The following SLC16A2 variants were observed in gnomAD, a reference collection of about 807,000 sequenced individuals.
SLC16A2 encodes the protein monocarboxylate transporter 8.
In SLC16A2, 3 loss-of-function variants were observed where a neutral mutation model predicts 27.2. The observed-to-expected ratio is 0.11, with a 90% CI of 0.05 to 0.28. SLC16A2 has a LOEUF of 0.28. Ranked by LOEUF, SLC16A2 falls within the 10% of genes least tolerant of loss-of-function variation. SLC16A2 has a pLI of 1.00. For synonymous variants in SLC16A2, 202 were observed against 187.8 expected, an observed-to-expected ratio of 1.08 and a Z score of -0.62; for missense variants, 295 against 458.5, an observed-to-expected ratio of 0.64 and a Z score of 3.26.
At chrX:74,502,550 C>T (rs1221020398) in intron 1 of SLC16A2, among the ~76,000 whole-genome samples, 1 of 112,126 alleles carries the variant, frequency 8.9e-6, no homozygotes. Flanking sequence ...TGAAGAAATG[C>T]CAAAATACAG....
intron 1 of SLC16A2, among the ~76,000 whole-genome samples, chrX:74,488,128 C>T (rs1411817916): frequency 1.8e-5 from 2 of 111,410 alleles, no homozygotes; most frequent in Non-Finnish European, 3.8e-5. Flanking sequence ...CTAGCCTCTA[C>T]CAGTCTAATA....
chrX:74,486,974 C>T (rs960535405), intron 1 of SLC16A2, among the ~76,000 whole-genome samples: 8 of 111,862 alleles, frequency 7.2e-5, no homozygotes, highest in African/African-American at 2.3e-4. Flanking sequence ...TCTGAGCAAA[C>T]TATCGAAAGG....
In SLC16A2 at chrX:74,502,546, A is replaced by G. The variant is rs955009653; in HGVS notation, c.431-18444A>G. On this transcript the variant is annotated intron_variant, in intron 1 of 5. Transcript: ENST00000587091. ...CTCTCTGGATATTTGTAAATGAAGA[A>G]ATGCCAAAATACAGTCTCAAAAATT... Among the ~76,000 whole-genome samples the G allele has an allele frequency of 3.6e-5, 4 of 112,461 alleles. No individual in the cohort carries two copies. In the Admixed American group the frequency reaches 3.8e-4, roughly 11 times the overall value.
chrX:74,487,589 A>C, intron 1 of SLC16A2, among the ~76,000 whole-genome samples: 1 of 112,391 alleles, frequency 8.9e-6, no homozygotes, highest in Non-Finnish European at 1.9e-5. Flanking sequence ...TTTCTGCAGC[A>C]TTTAAAATTA....
At chrX:74,518,391 T>G (rs1365428481) in intron 1 of SLC16A2, among the ~76,000 whole-genome samples, 1 of 111,323 alleles carries the variant, frequency 9.0e-6, no homozygotes, top group Non-Finnish European at 1.9e-5. Context: ...GCCGGGAGTT[T>G]GAGACCAGCC....
At chrX:74,425,027 TTTTA>T (rs748909387) in intron 1 of SLC16A2, among the ~76,000 whole-genome samples, 56 of 111,338 alleles carry the variant, frequency 5.0e-4, no homozygotes, top group Non-Finnish European at 8.3e-4. Flanking sequence ...CCTGGCTAAT[TTTTA>T]TTTATTTATT....
chrX:74,514,581 T>C (rs1312270908), intron 1 of SLC16A2, among the ~76,000 whole-genome samples: 1 of 111,291 alleles, frequency 9.0e-6, no homozygotes, highest in African/African-American at 3.3e-5. Flanking sequence ...AGAGACCACA[T>C]AGGGAGCCTG....
In SLC16A2 at chrX:74,444,000, T is replaced by C. The variant is rs766544787; in HGVS notation, c.430+21933T>C. ...GGTACCAGGTGTGTATGTGTGTGCA[T>C]GTGTGTCTGGGGGCAGGGGCAGGAG... On this transcript the variant is annotated intron_variant, in intron 1 of 5. Coordinates refer to ENST00000587091, the MANE Select transcript of SLC16A2 (RefSeq NM_006517.5). 1.1e-3 allele frequency among the ~76,000 whole-genome samples: 122 copies of C among 111,324 alleles called. 1 individual carries two copies. The highest frequency in any genetic ancestry group is 2.0e-3 in the Non-Finnish European group (108 of 53,034).
At chrX:74,496,059 GC>G (rs907877894) in intron 1 of SLC16A2, among the ~76,000 whole-genome samples, 1 of 111,581 alleles carries the variant, frequency 9.0e-6, no homozygotes, top group African/African-American at 3.3e-5. Flanking sequence ...AGATAAGGAA[GC>G]AGGAACTTTC....
Position 74,532,047 on chromosome X carries a change from G to C in SLC16A2, c.*494G>C. ...AGACAAGTAGCCTTGGTTAGTCTTA[G>C]AGTTGCTGATGACTGTGGCTTCCCA... is the stretch of plus-strand genomic sequence containing the variant. On this transcript the variant is annotated 3_prime_UTR_variant, in exon 6 of 6. Transcript: ENST00000587091. 6.2e-6 allele frequency: 1 copy of C among 160,009 alleles called. No individual in the cohort carries two copies. The highest frequency in any genetic ancestry group is 1.2e-5 in the Non-Finnish European group (1 of 82,253). The allele number at this position is 160,009 out of a possible 1,213,427, so 13.2% of individuals were successfully genotyped here.
At chrX:74,485,216 CAA>C (rs762055288) in intron 1 of SLC16A2, among the ~76,000 whole-genome samples, 11 of 37,346 alleles carry the variant, frequency 2.9e-4, no homozygotes, top group African/African-American at 5.4e-4. Context: ...AATGCCATCT[CAA>C]AAAAAAAAAA....
At chrX:74,519,561 A>C (rs1338592279) in intron 1 of SLC16A2, among the ~76,000 whole-genome samples, 1 of 104,539 alleles carries the variant, frequency 9.6e-6, no homozygotes, top group Non-Finnish European at 2.0e-5. Context: ...AAAACACACA[A>C]AAAAATTAGC....
intron 1 of SLC16A2, among the ~76,000 whole-genome samples, chrX:74,496,854 C>T (rs1929945507): frequency 8.9e-6 from 1 of 112,023 alleles, no homozygotes; most frequent in Admixed American, 9.4e-5. Context: ...GGCCTGGGCT[C>T]TCCTCCGAGT....
chrX:74,519,720 AAAAAAAAAAAC>A (rs1223316283), intron 1 of SLC16A2, among the ~76,000 whole-genome samples: 10 of 68,885 alleles, frequency 1.5e-4, no homozygotes, highest in Non-Finnish European at 3.7e-4. Context: ...TGTCTCAAAA[AAAAAAAAAAAC>A]AAAAAAAAAA....
intron 1 of SLC16A2, chrX:74,476,840 G>C (rs1370237508): frequency 4.5e-5 from 5 of 111,448 alleles, no homozygotes; most frequent in African/African-American, 1.6e-4. Flanking sequence ...ACTTGATCAT[G>C]ATGGATAAGC....
intron 1 of SLC16A2, among the ~76,000 whole-genome samples, chrX:74,476,375 G>C (rs1182457497): frequency 8.9e-6 from 1 of 111,897 alleles, no homozygotes; most frequent in Admixed American, 9.5e-5. Context: ...AGGAGATTTT[G>C]GTCTGAGACA....
chrX:74,421,536 G>A lies in SLC16A2; in HGVS notation c.-102G>A, dbSNP rs1353092385. On this transcript the variant is annotated 5_prime_UTR_variant, in exon 1 of 6. Coordinates refer to ENST00000587091, the MANE Select transcript of SLC16A2 (RefSeq NM_006517.5). ...GCCTGGAGGAGGAGGCAGCGGCAGC[G>A]GCAGCAGCAGCCCTCCGAGCAGCAG... 3.8e-6 allele frequency: 4 copies of A among 1,054,471 alleles called. No individual in the cohort carries two copies. The highest frequency in any genetic ancestry group is 3.2e-5 in the East Asian group (1 of 31,253). The allele number at this position is 1,054,471 out of a possible 1,213,427, so 86.9% of individuals were successfully genotyped here.
At position 74,474,447 on chromosome X, in the gene SLC16A2, T is replaced by G. The variant is rs143437232; in HGVS notation, c.431-46543T>G. Among the ~76,000 whole-genome samples, 971 of 108,078 alleles carry G rather than the reference T, an allele frequency of 9.0e-3. 38 individuals are homozygous for G. In the Admixed American group the frequency reaches 0.09, roughly 10 times the overall value. 93.9% of individuals were successfully genotyped at this position (108,078 alleles called of 115,157 possible). Reference sequence around the variant, plus strand: ...TAACATTGCTAAACTAAGTTATTAGTTCTAGCAGGTTTTTTTGCAGATTCC... The same window carrying G: ...TAACATTGCTAAACTAAGTTATTAGGTCTAGCAGGTTTTTTTGCAGATTCC... On this transcript the variant is annotated intron_variant, in intron 1 of 5. Transcript: ENST00000587091.
chrX:74,433,925 A>G (rs1387177123), intron 1 of SLC16A2, among the ~76,000 whole-genome samples: 1 of 112,256 alleles, frequency 8.9e-6, no homozygotes, highest in Non-Finnish European at 1.9e-5. Flanking sequence ...AAGTATAATA[A>G]TACCATCTGT....
Sources: allele counts gnomAD v4.1 joint callset (sites outside exome capture counted in the v4.1 genomes callset), GRCh38; gene constraint gnomAD v4.1.1; transcripts MANE v1.5; gene names NCBI Gene and HGNC (gene_info 2026-07-23, HGNC 2026-07-21).